PTPRD: variants seen among roughly 807,000 people sequenced by gnomAD.
PTPRD encodes receptor-type tyrosine-protein phosphatase delta.
A neutral mutation model predicts 214.5 loss-of-function variants in PTPRD; 34 were observed. The observed-to-expected ratio is 0.16, with a 90% CI of 0.12 to 0.21. The LOEUF (loss-of-function observed/expected upper bound fraction) is 0.21. PTPRD is among the 10% of genes least tolerant of loss of function. The pLI is 1.00. For missense variants in PTPRD, 2,545 were observed against 2,398.7 expected, an observed-to-expected ratio of 1.06 and a Z score of -1.27; for synonymous variants, 1,128 against 845.7, an observed-to-expected ratio of 1.33 and a Z score of -5.79.
intron 8 of PTPRD, among the ~76,000 whole-genome samples, chr9:9,433,989 A>G (rs1004265880): frequency 2.6e-5 from 4 of 152,178 alleles, no homozygotes; most frequent in African/African-American, 9.7e-5. Flanking sequence ...AAAAATCATT[A>G]AAATAATTTG....
Position 9,358,946 on chromosome 9 carries a change from A to T in PTPRD, c.-203+38503T>A, listed in dbSNP as rs148886783. On this transcript the variant is annotated intron_variant, in intron 9 of 45. Transcript: ENST00000381196. Reference sequence around the variant, plus strand: ...CTATTAACCTACAAGCTGTTTGGGCAGGGCTTCTAAAAACAATTTCAGGAT... The same window carrying T: ...CTATTAACCTACAAGCTGTTTGGGCTGGGCTTCTAAAAACAATTTCAGGAT... 5.9e-5 allele frequency among the ~76,000 whole-genome samples: 9 copies of T among 151,440 alleles called. No homozygotes were observed. The East Asian group carries it at 1.8e-3, about 30-fold the overall frequency.
At chr9:9,084,163 C>T (rs1371121361) in intron 10 of PTPRD, among the ~76,000 whole-genome samples, 1 of 152,100 alleles carries the variant, frequency 6.6e-6, no homozygotes, top group Non-Finnish European at 1.5e-5. Context: ...AAATGCCCAT[C>T]AATGATAGAC....
At chr9:10,294,841 GTTTA>G (rs1206131620) in intron 3 of PTPRD, among the ~76,000 whole-genome samples, 3 of 151,924 alleles carry the variant, frequency 2.0e-5, no homozygotes, top group Non-Finnish European at 4.4e-5. Flanking sequence ...CAAATTAAAT[GTTTA>G]TTTACTGATA....
At chr9:9,590,308 T>C (rs1186439579) in intron 7 of PTPRD, among the ~76,000 whole-genome samples, 2 of 152,048 alleles carry the variant, frequency 1.3e-5, no homozygotes, top group African/African-American at 2.4e-5. Flanking sequence ...CTCCCTTTAC[T>C]AATATATCCA....
At chr9:10,190,252 G>C (rs922783893) in intron 3 of PTPRD, among the ~76,000 whole-genome samples, 2 of 151,634 alleles carry the variant, frequency 1.3e-5, no homozygotes, top group Non-Finnish European at 2.9e-5. Context: ...CTGAATCCCA[G>C]CTACTTGGGT....
chr9:9,571,766 A>G (rs963335028), intron 8 of PTPRD, among the ~76,000 whole-genome samples: 3 of 151,180 alleles, frequency 2.0e-5, no homozygotes, highest in African/African-American at 7.2e-5. Context: ...TTATTTTAAT[A>G]GATACATTAA....
intron 31 of PTPRD, among the ~76,000 whole-genome samples, chr9:8,467,542 C>G (rs952800696): frequency 2.0e-5 from 3 of 151,656 alleles, no homozygotes; most frequent in African/African-American, 7.3e-5. Context: ...AGAAGAAAGT[C>G]TCAATATATA....
At chr9:8,659,864 T>C (rs1040861142) in intron 12 of PTPRD, among the ~76,000 whole-genome samples, 3 of 152,180 alleles carry the variant, frequency 2.0e-5, no homozygotes, top group African/African-American at 4.8e-5. Flanking sequence ...TGATATTTGA[T>C]CTAGAGAAAG....
At chr9:8,988,590 G>C (rs957264808) in intron 11 of PTPRD, among the ~76,000 whole-genome samples, 1 of 151,990 alleles carries the variant, frequency 6.6e-6, no homozygotes. Flanking sequence ...CTGTTGATGG[G>C]CTTTATTTCC....
At chr9:8,972,907 G>A (rs1006582838) in intron 11 of PTPRD, among the ~76,000 whole-genome samples, 1 of 151,618 alleles carries the variant, frequency 6.6e-6, no homozygotes, top group African/African-American at 2.4e-5. Flanking sequence ...GTTTTTGAGT[G>A]GATCAATGTT....
intron 3 of PTPRD, among the ~76,000 whole-genome samples, chr9:10,042,742 A>C (rs988103583): frequency 6.6e-6 from 1 of 151,914 alleles, no homozygotes; most frequent in Non-Finnish European, 1.5e-5. Context: ...CTTGGCACCA[A>C]CACTAGCATA....
At chr9:9,342,556 A>G (rs1053021859) in intron 9 of PTPRD, among the ~76,000 whole-genome samples, 18 of 152,166 alleles carry the variant, frequency 1.2e-4, no homozygotes, top group African/African-American at 4.3e-4. Flanking sequence ...AGGGAAAAGT[A>G]GAGCTGTTGC....
chr9:10,244,318 T>C (rs2091693707), intron 3 of PTPRD, among the ~76,000 whole-genome samples: 1 of 152,120 alleles, frequency 6.6e-6, no homozygotes, highest in Non-Finnish European at 1.5e-5. Flanking sequence ...AAAGCAGAGA[T>C]ATTGATTTAT....
chr9:9,323,745 G>A (rs1968007445), intron 9 of PTPRD, among the ~76,000 whole-genome samples: 1 of 152,188 alleles, frequency 6.6e-6, no homozygotes, highest in South Asian at 2.1e-4. Context: ...ACAATGTGCA[G>A]GTTTGTTACA....
intron 14 of PTPRD, among the ~76,000 whole-genome samples, chr9:8,596,420 T>G (rs2154270027): frequency 6.6e-6 from 1 of 152,142 alleles, no homozygotes; most frequent in South Asian, 2.1e-4. Context: ...TATACTACAT[T>G]ATTTAAACAA....
intron 43 of PTPRD, among the ~76,000 whole-genome samples, chr9:8,336,971 G>GAAAT (rs1375266929): frequency 6.6e-6 from 1 of 152,236 alleles, no homozygotes; most frequent in Admixed American, 6.5e-5. Flanking sequence ...AGGATGTGGA[G>GAAAT]AAATAGGAAT....
intron 44 of PTPRD, among the ~76,000 whole-genome samples, chr9:8,329,160 C>T (rs536759891): frequency 2.0e-5 from 3 of 152,112 alleles, no homozygotes; most frequent in African/African-American, 4.8e-5. Flanking sequence ...TCCCCATCTT[C>T]GTGGATTTAT....
chr9:8,557,020 G>A (rs969898390), intron 14 of PTPRD, among the ~76,000 whole-genome samples: 1 of 152,090 alleles, frequency 6.6e-6, no homozygotes, highest in African/African-American at 2.4e-5. Context: ...AGCACAATTT[G>A]TAGCTGAAAT....
chr9:10,397,905 A>T (rs2154494283), intron 2 of PTPRD, among the ~76,000 whole-genome samples: 1 of 152,118 alleles, frequency 6.6e-6, no homozygotes, highest in South Asian at 2.1e-4. Context: ...AAATCATTTA[A>T]CCATGCATTT....
Sources: allele counts gnomAD v4.1 joint callset (sites outside exome capture counted in the v4.1 genomes callset), GRCh38; gene constraint gnomAD v4.1.1; transcripts MANE v1.5; gene names NCBI Gene and HGNC (gene_info 2026-07-23, HGNC 2026-07-21).